SF1: variants seen among roughly 807,000 people sequenced by gnomAD.
SF1 encodes splicing factor 1, also known as branch point-binding protein.
SF1 carries 7 observed loss-of-function variants against 62.5 expected under a neutral mutation model. The observed-to-expected ratio is 0.11, with a 90% CI of 0.06 to 0.21. The LOEUF (loss-of-function observed/expected upper bound fraction) is 0.21, where lower values mean the gene tolerates loss of function less well. Among genes scored for constraint, SF1 ranks in the 10% least tolerant of loss-of-function variants. The pLI, the probability that SF1 is intolerant of heterozygous loss-of-function variation, is 1.00. For synonymous variants in SF1, 394 were observed against 323.6 expected, an observed-to-expected ratio of 1.22 and a Z score of -2.33; for missense variants, 578 against 884.0, an observed-to-expected ratio of 0.65 and a Z score of 4.39.
intron 3 of SF1, chr11:64,771,475 T>C (rs1225363509): frequency 7.1e-6 from 7 of 985,264 alleles, no homozygotes; most frequent in African/African-American, 1.7e-5. Flanking sequence ...CTTGGTTTAG[T>C]TGAGAGAACC....
chr11:64,777,729 T>A (rs969509127), intron 1 of SF1: 11 of 985,398 alleles, frequency 1.1e-5, no homozygotes, highest in Admixed American at 6.1e-5. Flanking sequence ...TCTATACAGT[T>A]GCGCCGCACA....
chr11:64,772,768 G>A, intron 3 of SF1: 2 of 985,128 alleles, frequency 2.0e-6, no homozygotes, highest in Non-Finnish European at 2.4e-6. Flanking sequence ...GAAATGACAT[G>A]ACCACAGCTG....
At chr11:64,776,673 T>C (rs753444371) in intron 1 of SF1, 47 bp from the exon 2 acceptor site, 1 of 1,586,102 alleles carries the variant, frequency 6.3e-7, no homozygotes. Context: ...CAAGTAGTTA[T>C]CAACAGACAG....
rs1938631799 is a variant in SF1 at position 64,773,424 on chromosome 11, C to T, written c.236+6G>A. The T allele has an allele frequency of 6.2e-7, 1 of 1,612,744 alleles. No homozygotes were observed. Among genetic ancestry groups the T allele is most frequent in the African/African-American group, 1.3e-5 (1 of 74,936 alleles). ...TACTGTCAGCTGGTTAAAACTGTTTCCCAACCTGTCCTCAGGGTTAGGGGG... is the reference window on the plus strand; with the variant it reads ...TACTGTCAGCTGGTTAAAACTGTTTTCCAACCTGTCCTCAGGGTTAGGGGG... On this transcript the variant is annotated splice_donor_region_variant and intron_variant, in intron 3 of 12. Transcript: ENST00000377390.
In SF1 at chr11:64,765,769, C is replaced by G; in HGVS notation, c.*49G>C. 6.7e-7 allele frequency: 1 copy of G among 1,491,660 alleles called. No individual in the cohort carries two copies. Among genetic ancestry groups the G allele is most frequent in the Non-Finnish European group, 8.9e-7 (1 of 1,122,854 alleles). 92.4% of individuals were successfully genotyped at this position (1,491,660 alleles called of 1,614,324 possible). Reference sequence around the variant, plus strand: ...TATGGTGAGGTTCGGCGTGTTTAAACGAGACCAATTCTCTCTATATATAAT... The same window carrying G: ...TATGGTGAGGTTCGGCGTGTTTAAAGGAGACCAATTCTCTCTATATATAAT... On this transcript the variant is annotated 3_prime_UTR_variant, in exon 13 of 13. Coordinates refer to ENST00000377390, the MANE Select transcript of SF1 (RefSeq NM_004630.4).
At position 64,765,464 on chromosome 11, in the gene SF1, G is replaced by T; in HGVS notation, c.*354C>A. 6.2e-7 allele frequency: 1 copy of T among 1,613,082 alleles called. No homozygotes were observed. Among genetic ancestry groups the T allele is most frequent in the Non-Finnish European group, 8.5e-7 (1 of 1,179,392 alleles). ...GTCTGCCTGGAAGGGTCACCAATGGGCGCGGAAAGTCCTCACTCTCATGGC... is the reference window on the plus strand; with the variant it reads ...GTCTGCCTGGAAGGGTCACCAATGGTCGCGGAAAGTCCTCACTCTCATGGC... On this transcript the variant is annotated 3_prime_UTR_variant, in exon 13 of 13. Transcript: ENST00000377390.
At chr11:64,778,163 G>A (rs1939702188) in intron 1 of SF1, 199 bp downstream of exon 1, 3 of 894,498 alleles carry the variant, frequency 3.4e-6, no homozygotes, top group African/African-American at 1.8e-5. Context: ...GGGAGGCGGA[G>A]GGGGCGGCGG....
intron 1 of SF1, chr11:64,777,424 A>G: frequency 3.4e-6 from 3 of 885,536 alleles, no homozygotes; most frequent in Non-Finnish European, 4.1e-6. Context: ...ATTTAAAAAA[A>G]AAAACAAACT....
At chr11:64,767,296 G>A (rs2058747488) in intron 10 of SF1, 45 bp from the exon 11 acceptor site, 1 of 1,582,422 alleles carries the variant, frequency 6.3e-7, no homozygotes, top group African/African-American at 1.3e-5. Context: ...CATTGGAACT[G>A]GCCAGGGAAG....
intron 1 of SF1, chr11:64,777,435 A>G: frequency 1.1e-6 from 1 of 918,536 alleles, no homozygotes; most frequent in Non-Finnish European, 1.3e-6. Flanking sequence ...AAAACAAACT[A>G]AAATTCTCTC....
chr11:64,772,037 C>G (rs1938402472), intron 3 of SF1: 1 of 985,376 alleles, frequency 1.0e-6, no homozygotes, highest in Non-Finnish European at 1.2e-6. Context: ...TTACCAGCAC[C>G]CAATTGGCCA....
At chr11:64,772,495 T>G (rs1267678272) in intron 3 of SF1, 2 of 984,748 alleles carry the variant, frequency 2.0e-6, no homozygotes, top group Non-Finnish European at 2.4e-6. Flanking sequence ...CATGAGTGAG[T>G]GACTTCTAAA....
chr11:64,770,107 C>T lies in SF1; in HGVS notation c.390-54G>A, dbSNP rs1446940417. The T allele has an allele frequency of 5.1e-6, 8 of 1,578,104 alleles. No individual in the cohort carries two copies. The South Asian group carries it at 6.7e-5, about 13-fold the overall frequency. On this transcript the variant is annotated intron_variant, in intron 4 of 12. Coordinates refer to ENST00000377390, the MANE Select transcript of SF1 (RefSeq NM_004630.4). ...CATTTCTGGAGAATGACACAGCCAG[C>T]GGCTTTTCTAAAACCAAATATTGGT...
At chr11:64,778,151 TG>T in intron 1 of SF1, 1 of 753,500 alleles carries the variant, frequency 1.3e-6, no homozygotes, top group Non-Finnish European at 1.7e-6. Flanking sequence ...CGGCGGCTGC[TG>T]GGGAGGCGGA....
intron 3 of SF1, 42 bp downstream of exon 3, chr11:64,773,388 G>A: frequency 2.5e-6 from 4 of 1,605,468 alleles, no homozygotes; most frequent in South Asian, 1.1e-5. Context: ...TTGAGAAAAA[G>A]GTAAAAGCGT....
chr11:64,776,183 A>G (rs1016791444), intron 2 of SF1: 2 of 326,904 alleles, frequency 6.1e-6, no homozygotes, highest in Non-Finnish European at 1.2e-5. Flanking sequence ...AGAGAGGCAG[A>G]TGACACTCAC....
intron 9 of SF1, 77 bp downstream of exon 9, chr11:64,768,029 A>T: frequency 6.6e-7 from 1 of 1,515,596 alleles, no homozygotes; most frequent in Non-Finnish European, 8.9e-7. Context: ...CTCTACCCAA[A>T]CCACGTGGCC....
At chr11:64,776,864 C>T (rs1367646164) in intron 1 of SF1, among the ~76,000 whole-genome samples, 1 of 152,156 alleles carries the variant, frequency 6.6e-6, no homozygotes, top group Non-Finnish European at 1.5e-5. Context: ...CTTCTTTTGT[C>T]TAGAAAAACT....
intron 1 of SF1, chr11:64,777,470 G>A: frequency 1.0e-6 from 1 of 982,368 alleles, no homozygotes. Context: ...AGAAAGATCA[G>A]ACCCAACCAT....
Sources: gnomAD v4.1 joint callset for allele counts (sites outside exome capture counted in the v4.1 genomes callset) on GRCh38, gnomAD v4.1.1 for gene constraint, MANE v1.5 for transcripts, NCBI Gene and HGNC (gene_info 2026-07-23, HGNC 2026-07-21) for gene names.